The following VIPR1 variants were observed in gnomAD, a reference collection of about 807,000 sequenced individuals.
VIPR1 encodes the protein vasoactive intestinal peptide receptor 1.
VIPR1 carries 59 observed loss-of-function variants against 58.8 expected under a neutral mutation model. That is an observed-to-expected ratio of 1.00 (90% confidence interval 0.81 to 1.25). VIPR1 has a LOEUF of 1.25. VIPR1 is among the 50% of genes most tolerant of loss of function. The pLI is 0.00. For synonymous variants in VIPR1, 251 were observed against 242.1 expected, an observed-to-expected ratio of 1.04 and a Z score of -0.34; for missense variants, 626 against 602.7, an observed-to-expected ratio of 1.04 and a Z score of -0.40.
intron 1 of VIPR1, among the ~76,000 whole-genome samples, chr3:42,505,532 G>A (rs1200703518): frequency 6.6e-6 from 1 of 152,240 alleles, no homozygotes; most frequent in Non-Finnish European, 1.5e-5. Context: ...TGAGCTTTGG[G>A]AAACATGGCT....
At chr3:42,497,960 AC>A (rs1407834717), upstream of VIPR1, among the ~76,000 whole-genome samples, 1 of 151,900 alleles carries the variant, frequency 6.6e-6, no homozygotes, top group African/African-American at 2.4e-5. Context: ...CAGACTGCTG[AC>A]CCCCTGGACA....
chr3:42,495,031 A>G (rs532214111), intron 1 of VIPR1, among the ~76,000 whole-genome samples: 5 of 152,360 alleles, frequency 3.3e-5, no homozygotes, highest in African/African-American at 1.2e-4. Context: ...CCAAACATAC[A>G]GGAGAAAAGA....
chr3:42,532,574 TC>T (rs1307681835), intron 10 of VIPR1: 15 of 584,192 alleles, frequency 2.6e-5, no homozygotes, highest in Non-Finnish European at 3.7e-5. Flanking sequence ...CTAGCATCCT[TC>T]CCAGGTATGC....
At chr3:42,514,067 T>C in intron 2 of VIPR1, among the ~76,000 whole-genome samples, 1 of 152,118 alleles carries the variant, frequency 6.6e-6, no homozygotes, top group Non-Finnish European at 1.5e-5. Flanking sequence ...AAGGAGGACA[T>C]ACTAAATTGG....
rs1311991318 is a variant in VIPR1 at position 42,534,994 on chromosome 3, C to T, written c.1030C>T (p.Leu344Phe). The change falls in exon 11 of 13, where the codon CTC becomes TTC. Residue 344 changes from leucine (L) to phenylalanine (F), a missense_variant. By Grantham distance (22) the Leu-to-Phe change is conservative. Transcript: ENST00000325123. ...SPYSRLARST[L>F]LLIPLFGVHY... The stretch of plus-strand genomic sequence containing the variant: ...CTCCAGAAGGCTAGCCAGGTCCACA[C>T]TCCTGCTGATCCCCCTGTTTGGAGT... The T allele has an allele frequency of 6.2e-7, 1 of 1,614,228 alleles. No homozygotes were observed. The highest frequency in any genetic ancestry group is 8.5e-7 in the Non-Finnish European group (1 of 1,180,026).
chr3:42,507,547 C>G (rs577909551), intron 1 of VIPR1, among the ~76,000 whole-genome samples: 1 of 152,232 alleles, frequency 6.6e-6, no homozygotes, highest in African/African-American at 2.4e-5. Flanking sequence ...CAGCCCTCTG[C>G]AGGTGGCTCC....
upstream of VIPR1, among the ~76,000 whole-genome samples, chr3:42,502,383 G>A (rs1699901685): frequency 6.6e-6 from 1 of 152,222 alleles, no homozygotes; most frequent in African/African-American, 2.4e-5. Context: ...ATGTGTTCGG[G>A]TCTCGAGATT....
intron 3 of VIPR1, among the ~76,000 whole-genome samples, chr3:42,525,277 C>G (rs1348654302): frequency 6.6e-6 from 1 of 152,096 alleles, no homozygotes; most frequent in East Asian, 1.9e-4. Context: ...TTGCCTGGAG[C>G]CTCAGCCTCT....
intron 1 of VIPR1, among the ~76,000 whole-genome samples, chr3:42,497,553 C>T (rs896058537): frequency 3.9e-5 from 6 of 152,182 alleles, no homozygotes; most frequent in Non-Finnish European, 8.8e-5. Flanking sequence ...CCTTTAGAGT[C>T]TCCCACACTC....
Position 42,536,263 on chromosome 3 carries a change from C to T in VIPR1, c.1356C>T (p.Ala452=), listed in dbSNP as rs1358268948. The change falls in exon 13 of 13, where the codon GCC becomes GCT. Residue 452 remains alanine, a synonymous_variant. Transcript: ENST00000325123. The part of the protein sequence containing the change: ...PGARRSSSFQ[A]EVSLV The stretch of plus-strand genomic sequence containing the variant: ...CCCGCCGCTCCTCCAGCTTCCAAGC[C>T]GAAGTCTCCCTGGTCTGACCACCAG... 4 of 1,573,836 alleles carry T rather than the reference C, an allele frequency of 2.5e-6. No homozygotes were observed. The highest frequency in any genetic ancestry group is 1.8e-5 in the Admixed American group (1 of 55,950).
rs146425247 is a variant in VIPR1 at position 42,496,460 on chromosome 3, A to T, written c.-245+6782A>T. On this transcript the variant is annotated intron_variant, in intron 1 of 13. Coordinates refer to the VIPR1 transcript ENST00000433647. The stretch of plus-strand genomic sequence containing the variant: ...CAACTTGCTTTGGTTGCTGGACACC[A>T]TATTTTTAGTTACATATACACATAG... Among the ~76,000 whole-genome samples, 32 of 152,342 alleles carry T rather than the reference A, an allele frequency of 2.1e-4. No homozygotes were observed. In the East Asian group the frequency reaches 4.8e-3, roughly 23 times the overall value.
At chr3:42,520,168 A>G (rs184492229) in intron 3 of VIPR1, among the ~76,000 whole-genome samples, 2 of 152,288 alleles carry the variant, frequency 1.3e-5, no homozygotes, top group African/African-American at 4.8e-5. Context: ...GAGAGAATCA[A>G]CAGCCCGTGG....
Position 42,527,610 on chromosome 3 carries a change from A to T in VIPR1, c.503+114A>T. On this transcript the variant is annotated intron_variant, in intron 5 of 12. Transcript: ENST00000325123. ...GACCCCTCCACTGTTGCCCCCCAGC[A>T]GCACATACTCCCCAGCTCCTGCCAG... 5.1e-6 allele frequency: 5 copies of T among 980,788 alleles called. No homozygotes were observed. In the South Asian group the frequency reaches 7.2e-5, roughly 14 times the overall value. The allele number at this position is 980,788 out of a possible 1,614,324, so 60.8% of individuals were successfully genotyped here.
chr3:42,499,664 G>C (rs1315271596), upstream of VIPR1, among the ~76,000 whole-genome samples: 3 of 152,138 alleles, frequency 2.0e-5, no homozygotes, highest in Non-Finnish European at 4.4e-5. Context: ...AGCCTGGACT[G>C]GGAAGGCAAG....
At position 42,536,092 on chromosome 3, in the gene VIPR1, G is replaced by T. The variant is rs138576510; in HGVS notation, c.1185G>T (p.Val395=). The T allele has an allele frequency of 1.9e-6, 3 of 1,597,414 alleles. No individual in the cohort carries two copies. The highest frequency in any genetic ancestry group is 2.6e-6 in the Non-Finnish European group (3 of 1,172,476). The change falls in exon 13 of 13, where the codon GTG becomes GTT. Residue 395 remains valine (V), a splice_region_variant and synonymous_variant. Coordinates refer to ENST00000325123, the MANE Select transcript of VIPR1 (RefSeq NM_004624.4). The part of the protein sequence containing the change: ...AILYCFLNGE[V]QAELRRKWRR... ...CTGACCACCTTCCCCTCTCCTAGGT[G>T]CAGGCGGAGCTGAGGCGGAAGTGGC...
intron 6 of VIPR1, chr3:42,530,546 G>A (rs1701482737): frequency 1.9e-6 from 1 of 513,766 alleles, no homozygotes; most frequent in African/African-American, 1.9e-5. Flanking sequence ...AAGGTGAATA[G>A]ATGAATTGAT....
intron 1 of VIPR1, among the ~76,000 whole-genome samples, chr3:42,496,195 C>A (rs1256085850): frequency 6.6e-6 from 1 of 152,084 alleles, no homozygotes; most frequent in Non-Finnish European, 1.5e-5. Flanking sequence ...CAAGATTGTG[C>A]CACTGTACTC....
At chr3:42,523,059 G>A (rs1701035155) in intron 3 of VIPR1, among the ~76,000 whole-genome samples, 1 of 150,550 alleles carries the variant, frequency 6.6e-6, no homozygotes, top group African/African-American at 2.5e-5. Flanking sequence ...GGCATGCCCT[G>A]ACCCCTTCAC....
chr3:42,526,366 C>A (rs1701234933), intron 4 of VIPR1, among the ~76,000 whole-genome samples: 2 of 152,210 alleles, frequency 1.3e-5, no homozygotes, highest in African/African-American at 4.8e-5. Flanking sequence ...CTGGAAGGAA[C>A]CAGACTTGGC....
Sources: gnomAD v4.1 joint callset for allele counts (sites outside exome capture counted in the v4.1 genomes callset) on GRCh38, gnomAD v4.1.1 for gene constraint, MANE v1.5 for transcripts, NCBI Gene and HGNC (gene_info 2026-07-23, HGNC 2026-07-21) for gene names.